CTNNA2: variants seen among roughly 807,000 people sequenced by gnomAD.
CTNNA2 encodes catenin alpha-2.
CTNNA2 carries 42 observed loss-of-function variants against 101.0 expected under a neutral mutation model. The observed-to-expected ratio is 0.42, with a 90% confidence interval of 0.32 to 0.54. CTNNA2 has a LOEUF of 0.54. CTNNA2 is among the 20% of genes least tolerant of loss of function. The pLI, the probability that CTNNA2 is intolerant of heterozygous loss-of-function variation, is 0.14. For synonymous variants in CTNNA2, 450 were observed against 456.4 expected, an observed-to-expected ratio of 0.99 and a Z score of 0.18; for missense variants, 871 against 1,223.1, an observed-to-expected ratio of 0.71 and a Z score of 4.29.
At chr2:79,571,850 T>A (rs1322642734) in intron 1 of CTNNA2, among the ~76,000 whole-genome samples, 1 of 152,180 alleles carries the variant, frequency 6.6e-6, no homozygotes, top group African/African-American at 2.4e-5. Context: ...GCTATTTCCC[T>A]TACCTTTCCC....
intron 6 of CTNNA2, among the ~76,000 whole-genome samples, chr2:79,905,197 T>C (rs1685338853): frequency 6.6e-6 from 1 of 151,844 alleles, no homozygotes; most frequent in Non-Finnish European, 1.5e-5. Context: ...TAAGTAAAAC[T>C]CATAAAGCAC....
chr2:80,482,073 CTTAAT>C (rs58932753), intron 9 of CTNNA2, among the ~76,000 whole-genome samples: 50,753 of 150,244 alleles, frequency 0.34, 9,142 homozygotes, highest in East Asian at 0.66. Flanking sequence ...TTCCCAAGGT[CTTAAT>C]TTAATTTAAT....
chr2:79,264,933 A>G (rs576671819), intron 2 of CTNNA2, among the ~76,000 whole-genome samples: 1 of 152,152 alleles, frequency 6.6e-6, no homozygotes, highest in Non-Finnish European at 1.5e-5. Flanking sequence ...TCTTCTGCAT[A>G]CAACACAGAA....
At chr2:80,390,518 C>T (rs1677413408) in intron 7 of CTNNA2, among the ~76,000 whole-genome samples, 1 of 152,144 alleles carries the variant, frequency 6.6e-6, no homozygotes, top group Non-Finnish European at 1.5e-5. Flanking sequence ...GCAACCAAGC[C>T]TCCCAAACGT....
intron 1 of CTNNA2, among the ~76,000 whole-genome samples, chr2:79,544,764 A>G (rs569571915): frequency 2.6e-5 from 4 of 152,268 alleles, no homozygotes; most frequent in Non-Finnish European, 4.4e-5. Context: ...AGGTATTTAG[A>G]GCCCAAGTGG....
chr2:80,539,412 CAAA>C (rs70940083), intron 9 of CTNNA2, among the ~76,000 whole-genome samples: 1 of 123,436 alleles, frequency 8.1e-6, no homozygotes. Context: ...CCAGAAGAGC[CAAA>C]AAAAAAAAAA....
intron 2 of CTNNA2, among the ~76,000 whole-genome samples, chr2:79,672,195 G>A (rs1682884449): frequency 6.6e-6 from 1 of 152,114 alleles, no homozygotes; most frequent in African/African-American, 2.4e-5. Context: ...AAAATCCCTG[G>A]CCCCTGCGTT....
chr2:79,887,683 G>GA (rs1268165315), intron 6 of CTNNA2, among the ~76,000 whole-genome samples: 2 of 151,834 alleles, frequency 1.3e-5, no homozygotes, highest in Admixed American at 6.6e-5. Flanking sequence ...TCTTAAAAAA[G>GA]AAAAAAACAA....
At chr2:79,252,572 T>C (rs571718250) in intron 2 of CTNNA2, among the ~76,000 whole-genome samples, 1 of 152,306 alleles carries the variant, frequency 6.6e-6, no homozygotes, top group African/African-American at 2.4e-5. Context: ...GACCATTTCC[T>C]GAGTAATTCG....
At chr2:79,275,870 A>C (rs1351796210) in intron 2 of CTNNA2, among the ~76,000 whole-genome samples, 1 of 150,726 alleles carries the variant, frequency 6.6e-6, no homozygotes, top group Non-Finnish European at 1.5e-5. Context: ...GGCAGACATC[A>C]AAAAAAAAGA....
At chr2:79,879,526 G>A (rs924146422) in intron 6 of CTNNA2, among the ~76,000 whole-genome samples, 1 of 151,978 alleles carries the variant, frequency 6.6e-6, no homozygotes, top group Non-Finnish European at 1.5e-5. Flanking sequence ...CCTTGAAGAG[G>A]TCCTTCACAT....
chr2:80,211,139 G>A (rs1382250203), intron 7 of CTNNA2, among the ~76,000 whole-genome samples: 1 of 152,146 alleles, frequency 6.6e-6, no homozygotes, highest in Non-Finnish European at 1.5e-5. Flanking sequence ...TGGGTAGATT[G>A]CAAGAATTTT....
intron 12 of CTNNA2, 118 bp from the exon 13 acceptor site, chr2:80,574,045 G>A: frequency 1.0e-6 from 1 of 972,438 alleles, no homozygotes; most frequent in Non-Finnish European, 1.6e-6. Flanking sequence ...GGACAGATGA[G>A]TGTCTTGCTC....
At chr2:79,239,628 A>G (rs1351220450) in intron 2 of CTNNA2, among the ~76,000 whole-genome samples, 6 of 152,204 alleles carry the variant, frequency 3.9e-5, no homozygotes, top group Admixed American at 6.5e-5. Context: ...CATTCAGGAC[A>G]TAGGCACAGG....
At chr2:79,742,755 G>A (rs1671379026) in intron 2 of CTNNA2, among the ~76,000 whole-genome samples, 1 of 152,036 alleles carries the variant, frequency 6.6e-6, no homozygotes, top group East Asian at 1.9e-4. Context: ...TATAGTTAAT[G>A]ATTTTGCCAT....
At chr2:79,624,788 A>T (rs749768012) in intron 1 of CTNNA2, among the ~76,000 whole-genome samples, 1 of 152,142 alleles carries the variant, frequency 6.6e-6, no homozygotes, top group Non-Finnish European at 1.5e-5. Flanking sequence ...CATAATTAAG[A>T]TCAGTTCTGG....
At chr2:80,552,150 A>G (rs940253204) in intron 11 of CTNNA2, among the ~76,000 whole-genome samples, 3 of 152,212 alleles carry the variant, frequency 2.0e-5, no homozygotes, top group Non-Finnish European at 4.4e-5. Flanking sequence ...AACAATTGCA[A>G]TAGTGACAAA....
At chr2:79,995,802 G>A (rs1451441450) in intron 7 of CTNNA2, among the ~76,000 whole-genome samples, 3 of 152,168 alleles carry the variant, frequency 2.0e-5, no homozygotes, top group East Asian at 1.9e-4. Context: ...GGGCAACCGA[G>A]TGAAACCCTT....
At chr2:79,302,479 T>G (rs1157910527) in intron 2 of CTNNA2, among the ~76,000 whole-genome samples, 1 of 152,172 alleles carries the variant, frequency 6.6e-6, no homozygotes, top group Non-Finnish European at 1.5e-5. Flanking sequence ...TCTGACGTGT[T>G]TAACCTACTT....
Sources: gnomAD v4.1 joint callset for allele counts (sites outside exome capture counted in the v4.1 genomes callset) on GRCh38, gnomAD v4.1.1 for gene constraint, MANE v1.5 for transcripts, NCBI Gene and HGNC (gene_info 2026-07-23, HGNC 2026-07-21) for gene names.